The following SCAPER variants were observed in gnomAD, a reference collection of about 807,000 sequenced individuals.
SCAPER encodes the protein S phase cyclin A-associated protein in the endoplasmic reticulum.
SCAPER carries 98 observed loss-of-function variants against 182.2 expected under a neutral mutation model. That is an observed-to-expected ratio of 0.54 (90% CI 0.46 to 0.64). The LOEUF is 0.64. Ranked by LOEUF, SCAPER falls within the 30% of genes least tolerant of loss-of-function variation. SCAPER has a pLI of 0.00. For missense variants in SCAPER, 1,432 were observed against 1,690.0 expected (o/e 0.85, Z 2.68); for synonymous variants, 605 against 564.6 (o/e 1.07, Z -1.01).
At chr15:76,822,397 A>G (rs1213220040) in intron 5 of SCAPER, among the ~76,000 whole-genome samples, 1 of 152,264 alleles carries the variant, frequency 6.6e-6, no homozygotes, top group Non-Finnish European at 1.5e-5. Context: ...TCAAAGTTTT[A>G]CCAACATTTC....
chr15:76,517,571 A>C (rs1380968540), intron 23 of SCAPER, among the ~76,000 whole-genome samples: 1 of 151,932 alleles, frequency 6.6e-6, no homozygotes, highest in Admixed American at 6.6e-5. Flanking sequence ...AGCTGGTCTC[A>C]AACTCCTGAC....
intron 26 of SCAPER, among the ~76,000 whole-genome samples, chr15:76,431,704 A>AAAAAAAAAAAAAAAACT (rs61401621): frequency 7.8e-6 from 1 of 127,512 alleles, no homozygotes; most frequent in African/African-American, 2.7e-5. Context: ...AAAAAAAAAA[A>AAAAAAAAAAAAAAAACT]TGCTTTGTTT....
At chr15:76,617,798 G>T (rs2051630881) in intron 22 of SCAPER, among the ~76,000 whole-genome samples, 1 of 152,158 alleles carries the variant, frequency 6.6e-6, no homozygotes, top group Non-Finnish European at 1.5e-5. Context: ...CAAGAGGAAG[G>T]GAAACAGAGT....
chr15:76,788,485 T>C (rs1199846274), intron 8 of SCAPER, among the ~76,000 whole-genome samples: 1 of 152,080 alleles, frequency 6.6e-6, no homozygotes, highest in Non-Finnish European at 1.5e-5. Flanking sequence ...TGTCATACCA[T>C]CACATGAATC....
At chr15:76,489,432 C>T (rs2052053908) in intron 24 of SCAPER, among the ~76,000 whole-genome samples, 1 of 151,640 alleles carries the variant, frequency 6.6e-6, no homozygotes, top group East Asian at 2.0e-4. Flanking sequence ...ATTCCCCTTG[C>T]TGTCTTCTTT....
intron 20 of SCAPER, among the ~76,000 whole-genome samples, chr15:76,698,042 G>T (rs905705599): frequency 1.3e-5 from 2 of 151,982 alleles, no homozygotes; most frequent in African/African-American, 2.4e-5. Context: ...CACAAAACAT[G>T]ACTATAGTTC....
At chr15:76,585,658 G>A (rs1343334299) in intron 22 of SCAPER, among the ~76,000 whole-genome samples, 1 of 152,228 alleles carries the variant, frequency 6.6e-6, no homozygotes, top group East Asian at 1.9e-4. Flanking sequence ...TCACCCTGAG[G>A]TAAATCAATT....
At chr15:76,418,579 C>T (rs2045815260) in intron 26 of SCAPER, among the ~76,000 whole-genome samples, 1 of 152,266 alleles carries the variant, frequency 6.6e-6, no homozygotes, top group African/African-American at 2.4e-5. Flanking sequence ...GGGCCAGTAG[C>T]AACTGACTCT....
chr15:76,798,550 A>G (rs1465359466), intron 7 of SCAPER, among the ~76,000 whole-genome samples: 1 of 152,096 alleles, frequency 6.6e-6, no homozygotes, highest in African/African-American at 2.4e-5. Flanking sequence ...CATTAAATAC[A>G]TATCCAAGAG....
chr15:76,784,043 G>C (rs1383271671), intron 8 of SCAPER, among the ~76,000 whole-genome samples: 1 of 152,102 alleles, frequency 6.6e-6, no homozygotes, highest in East Asian at 1.9e-4. Context: ...AGGGCAATCA[G>C]GCAAGAGAAA....
intron 29 of SCAPER, among the ~76,000 whole-genome samples, chr15:76,373,359 A>C (rs2042322459): frequency 6.6e-6 from 1 of 152,004 alleles, no homozygotes; most frequent in South Asian, 2.1e-4. Context: ...CCTTTTTCAC[A>C]ATAACTAAAA....
At chr15:76,749,326 A>C (rs2061967524) in intron 15 of SCAPER, among the ~76,000 whole-genome samples, 1 of 152,102 alleles carries the variant, frequency 6.6e-6, no homozygotes, top group Non-Finnish European at 1.5e-5. Context: ...GTAAACTAAG[A>C]CTAGAAAGAA....
At position 76,897,713 on chromosome 15, in the gene SCAPER, A is replaced by G. The variant is rs866733179; in HGVS notation, c.-60+7586T>C. On this transcript the variant is annotated intron_variant, in intron 1 of 31. Coordinates refer to ENST00000563290, the MANE Select transcript of SCAPER (RefSeq NM_020843.4). ...CAGAGACTCTATCTCGAAAAAAAAG[A>G]AAAAGACTGAATTATTATTTCTTAA... 1.4e-4 allele frequency among the ~76,000 whole-genome samples: 21 copies of G among 152,282 alleles called. No individual in the cohort carries two copies. The Middle Eastern group carries it at 0.024, about 173-fold the overall frequency.
intron 20 of SCAPER, among the ~76,000 whole-genome samples, chr15:76,689,870 A>G (rs150433566): frequency 7.0e-4 from 107 of 152,122 alleles, no homozygotes; most frequent in Non-Finnish European, 3.4e-4. Flanking sequence ...CCTAATCACC[A>G]AAGCTGGAAC....
chr15:76,624,841 G>T (rs2052421109), intron 21 of SCAPER, among the ~76,000 whole-genome samples: 3 of 152,220 alleles, frequency 2.0e-5, no homozygotes, highest in Admixed American at 2.0e-4. Context: ...GGTGACAGGG[G>T]TTGCAACAAT....
intron 20 of SCAPER, among the ~76,000 whole-genome samples, chr15:76,696,219 GC>G (rs997876281): frequency 6.6e-6 from 1 of 152,116 alleles, no homozygotes; most frequent in African/African-American, 2.4e-5. Flanking sequence ...AATGCCAGGC[GC>G]ACCCTGGCCA....
chr15:76,720,461 G>A (rs2060161737), intron 17 of SCAPER, among the ~76,000 whole-genome samples: 1 of 152,152 alleles, frequency 6.6e-6, no homozygotes, highest in South Asian at 2.1e-4. Context: ...GGACGACTGG[G>A]TCAAATGGTA....
rs201063049 is a variant in SCAPER, at chr15:76,397,769, G to A, written c.3467+6755C>T. Among the ~76,000 whole-genome samples the A allele has an allele frequency of 1.1e-4, 16 of 152,190 alleles. No individual in the cohort carries two copies. In the East Asian group the frequency reaches 2.5e-3, roughly 24 times the overall value. Reference sequence around the variant, plus strand: ...TGGGATTACAGGTGTGAGCCACCGCGCCCGGTCAGGAGACTTTTATTATAG... The same window carrying A: ...TGGGATTACAGGTGTGAGCCACCGCACCCGGTCAGGAGACTTTTATTATAG... On this transcript the variant is annotated intron_variant, in intron 27 of 31. Coordinates refer to ENST00000563290, the MANE Select transcript of SCAPER (RefSeq NM_020843.4).
intron 21 of SCAPER, among the ~76,000 whole-genome samples, chr15:76,663,895 T>G (rs1361063763): frequency 6.6e-6 from 1 of 152,110 alleles, no homozygotes; most frequent in Non-Finnish European, 1.5e-5. Flanking sequence ...ACAGTTAGTA[T>G]GCATAGAATG....
Sources: allele counts gnomAD v4.1 joint callset (sites outside exome capture counted in the v4.1 genomes callset), GRCh38; gene constraint gnomAD v4.1.1; transcripts MANE v1.5; gene names NCBI Gene and HGNC (gene_info 2026-07-23, HGNC 2026-07-21).